The following CUTC variants were observed in gnomAD, a reference collection of about 807,000 sequenced individuals.
CUTC encodes the protein cutC copper transporter.
CUTC carries 27 observed loss-of-function variants against 36.2 expected under a neutral mutation model. That is an observed-to-expected ratio of 0.75 (90% confidence interval 0.55 to 1.03). The LOEUF (loss-of-function observed/expected upper bound fraction) is 1.03, where lower values mean the gene tolerates loss of function less well. Among genes scored for constraint, CUTC ranks in the 50% least tolerant of loss-of-function variants. The pLI, the probability that CUTC is intolerant of heterozygous loss-of-function variation, is 0.00. For missense variants in CUTC, 315 were observed against 343.5 expected (o/e 0.92, Z 0.66); for synonymous variants, 114 against 118.3 (o/e 0.96, Z 0.24).
intron 1 of CUTC, among the ~76,000 whole-genome samples, 200 bp from the exon 2 acceptor site, chr10:99,736,042 ATCTG>A (rs761230399): frequency 3.3e-5 from 5 of 152,358 alleles, no homozygotes; most frequent in Admixed American, 6.5e-5. Flanking sequence ...TTTTTTATAC[ATCTG>A]TCTGTGTACC....
At chr10:99,735,330 A>C (rs1357086816) in intron 1 of CUTC, among the ~76,000 whole-genome samples, 1 of 152,162 alleles carries the variant, frequency 6.6e-6, no homozygotes, top group African/African-American at 2.4e-5. Context: ...GAAAAATTTT[A>C]TTCAGAGATG....
chr10:99,747,486 C>G lies in CUTC; in HGVS notation c.573+96C>G, dbSNP rs1044300113. The G allele has an allele frequency of 4.3e-6, 6 of 1,395,222 alleles. No homozygotes were observed. In the Admixed American group the frequency reaches 1.3e-4, roughly 29 times the overall value. The allele number at this position is 1,395,222 out of a possible 1,614,324, so 86.4% of individuals were successfully genotyped here. A position where few individuals can be genotyped will look rare whatever the true frequency, so the allele number is the denominator to read the frequency against. The stretch of plus-strand genomic sequence containing the variant: ...AGTTTGTGAGACTATATATTACTGA[C>G]TTTGTGGTTACTCTGTAGGAAAAGC... On this transcript the variant is annotated intron_variant, in intron 6 of 8. Coordinates refer to ENST00000370476, the MANE Select transcript of CUTC (RefSeq NM_015960.3).
chr10:99,749,384 T>G lies in CUTC; in HGVS notation c.574-985T>G, dbSNP rs946741807. ...ATAGTTGTGAGGGATTTCTTCAGGTTATAGCACTTAGTAATTGTTCTATAT... is the reference window on the plus strand; with the variant it reads ...ATAGTTGTGAGGGATTTCTTCAGGTGATAGCACTTAGTAATTGTTCTATAT... On this transcript the variant is annotated intron_variant, in intron 6 of 8. Coordinates refer to ENST00000370476, the MANE Select transcript of CUTC (RefSeq NM_015960.3). Among the ~76,000 whole-genome samples, 5 of 152,220 alleles carry G rather than the reference T, an allele frequency of 3.3e-5. 1 individual carries two copies. The highest frequency in any genetic ancestry group is 3.3e-4 in the Admixed American group (5 of 15,284).
In CUTC at chr10:99,755,957, T is replaced by C. The variant is rs1244070275; in HGVS notation, c.*218T>C. ...TTAGTCTTACCAGTGATTGTCATCA[T>C]GGTTAAAGCTGGTCTGTGCTTCTTC... On this transcript the variant is annotated 3_prime_UTR_variant, in exon 9 of 9. Transcript: ENST00000370476. 6 of 473,014 alleles carry C rather than the reference T, an allele frequency of 1.3e-5. No homozygotes were observed. The highest frequency in any genetic ancestry group is 1.2e-4 in the African/African-American group (6 of 50,630). 29.3% of individuals were successfully genotyped at this position (473,014 alleles called of 1,614,324 possible).
chr10:99,732,334 A>C lies in CUTC; in HGVS notation c.-15A>C. 1.9e-6 allele frequency: 3 copies of C among 1,551,836 alleles called. No homozygotes were observed. The highest frequency in any genetic ancestry group is 2.6e-6 in the Non-Finnish European group (3 of 1,147,364). On this transcript the variant is annotated 5_prime_UTR_variant, in exon 1 of 9. Coordinates refer to ENST00000370476, the MANE Select transcript of CUTC (RefSeq NM_015960.3). ...AGTGGAAACTGCAGGCGCACGAGGG[A>C]GGAACGCGTGGAGCATGAAAAGGCA...
At position 99,732,250 on chromosome 10, in the gene CUTC, C is replaced by T. The variant is rs1458312664; in HGVS notation, c.-99C>T. The T allele has an allele frequency of 3.3e-6, 5 of 1,524,500 alleles. No individual in the cohort carries two copies. Among genetic ancestry groups the T allele is most frequent in the Middle Eastern group, 2.0e-4 (1 of 5,020 alleles). The allele number at this position is 1,524,500 out of a possible 1,614,324, so 94.4% of individuals were successfully genotyped here. A position where few individuals can be genotyped will look rare whatever the true frequency, so the allele number is the denominator to read the frequency against. Reference sequence around the variant, plus strand: ...GGCGTAGGTGTCGGGGACGCGCGCACGGGCGCGCGCAGCTGTTGACGCGCT... The same window carrying T: ...GGCGTAGGTGTCGGGGACGCGCGCATGGGCGCGCGCAGCTGTTGACGCGCT... On this transcript the variant is annotated 5_prime_UTR_variant, in exon 1 of 9. The change creates a new upstream start codon in the 5' untranslated region. Coordinates refer to ENST00000370476, the MANE Select transcript of CUTC (RefSeq NM_015960.3).
chr10:99,732,588 G>C, intron 1 of CUTC, 179 bp downstream of exon 1: 1 of 1,436,704 alleles, frequency 7.0e-7, no homozygotes, highest in Non-Finnish European at 9.1e-7. Flanking sequence ...GTGACGAGGG[G>C]CAGGTAGCGA....
intron 7 of CUTC, 97 bp from the exon 8 acceptor site, chr10:99,754,432 G>A (rs2037440282): frequency 3.8e-6 from 3 of 792,334 alleles, no homozygotes; most frequent in Non-Finnish European, 6.4e-6. Context: ...GAGAAATTCA[G>A]TTTGGGGATT....
chr10:99,747,567 C>T, intron 6 of CUTC, 177 bp downstream of exon 6: 1 of 665,540 alleles, frequency 1.5e-6, no homozygotes, highest in Non-Finnish European at 2.4e-6. Flanking sequence ...TTTTTAATAA[C>T]CAAGGCTTTC....
intron 6 of CUTC, 59 bp from the exon 7 acceptor site, chr10:99,750,310 A>T: frequency 7.6e-7 from 1 of 1,315,352 alleles, no homozygotes; most frequent in South Asian, 1.3e-5. Context: ...TCACTGCCTT[A>T]TTATCCCATT....
In CUTC at chr10:99,735,101, C is replaced by CA. The variant is rs56971127; in HGVS notation, c.62-1120dup. Reference sequence around the variant, plus strand: ...TGGGCGACAGAGCAAGACTCTGTATCAAAAAAAAAAAAAAAAAAAAAAAAA... The same window carrying CA: ...TGGGCGACAGAGCAAGACTCTGTATCAAAAAAAAAAAAAAAAAAAAAAAAAA... On this transcript the variant is annotated intron_variant, in intron 1 of 8. Coordinates refer to ENST00000370476, the MANE Select transcript of CUTC (RefSeq NM_015960.3). Among the ~76,000 whole-genome samples, 60 of 68,778 alleles carry CA rather than the reference C, an allele frequency of 8.7e-4. 1 individual carries two copies. The highest frequency in any genetic ancestry group is 2.5e-3 in the African/African-American group (42 of 16,824). 45.1% of individuals were successfully genotyped at this position (68,778 alleles called of 152,430 possible).
chr10:99,736,971 T>A lies in CUTC; in HGVS notation c.133+654T>A, dbSNP rs2037302246. Among the ~76,000 whole-genome samples, 6 of 152,242 alleles carry A rather than the reference T, an allele frequency of 3.9e-5. 1 individual carries two copies. The South Asian group carries it at 1.2e-3, about 32-fold the overall frequency. ...ATCACTTATTTTATTTTTAAATCTT[T>A]TGAAAATGTAAACATCAGCCGGGTG... On this transcript the variant is annotated intron_variant, in intron 2 of 8. Transcript: ENST00000370476.
intron 1 of CUTC, among the ~76,000 whole-genome samples, chr10:99,735,227 G>A (rs1252793885): frequency 6.6e-6 from 1 of 151,846 alleles, no homozygotes; most frequent in East Asian, 1.9e-4. Flanking sequence ...GAACAATTGG[G>A]GTTTCATAAC....
Position 99,755,875 on chromosome 10 carries a change from G to C in CUTC, c.*136G>C. The C allele has an allele frequency of 3.4e-6, 2 of 586,690 alleles. No homozygotes were observed. The highest frequency in any genetic ancestry group is 3.2e-5 in the Admixed American group (1 of 31,356). 36.3% of individuals were successfully genotyped at this position (586,690 alleles called of 1,614,324 possible). On this transcript the variant is annotated 3_prime_UTR_variant, in exon 9 of 9. Transcript: ENST00000370476. Reference sequence around the variant, plus strand: ...TTGTTTTAAGTTTCACATGGCCATGGAGAATGTGCCCAAGAAGAAAAAGAA... The same window carrying C: ...TTGTTTTAAGTTTCACATGGCCATGCAGAATGTGCCCAAGAAGAAAAAGAA...
Position 99,732,254 on chromosome 10 carries a change from C to G in CUTC, c.-95C>G, listed in dbSNP as rs2037196512. On this transcript the variant is annotated 5_prime_UTR_variant, in exon 1 of 9. Coordinates refer to ENST00000370476, the MANE Select transcript of CUTC (RefSeq NM_015960.3). The stretch of plus-strand genomic sequence containing the variant: ...TAGGTGTCGGGGACGCGCGCACGGG[C>G]GCGCGCAGCTGTTGACGCGCTTCTT... The G allele has an allele frequency of 1.2e-5, 19 of 1,529,056 alleles. No individual in the cohort carries two copies. The highest frequency in any genetic ancestry group is 2.1e-5 in the Admixed American group (1 of 46,562). 94.7% of individuals were successfully genotyped at this position (1,529,056 alleles called of 1,614,324 possible).
At chr10:99,750,124 A>G (rs1418009357) in intron 6 of CUTC, among the ~76,000 whole-genome samples, 1 of 152,092 alleles carries the variant, frequency 6.6e-6, no homozygotes. Context: ...GAAGGAGAAA[A>G]TGGCACTTAT....
At chr10:99,734,616 G>C (rs576722837) in intron 1 of CUTC, among the ~76,000 whole-genome samples, 1 of 152,138 alleles carries the variant, frequency 6.6e-6, no homozygotes, top group South Asian at 2.1e-4. Flanking sequence ...CATGAAGTGT[G>C]CATTGTTTCG....
At chr10:99,736,386 C>CT in intron 2 of CUTC, 69 bp downstream of exon 2, 1 of 1,183,382 alleles carries the variant, frequency 8.5e-7, no homozygotes, top group South Asian at 1.2e-5. Context: ...ATCCTGTGTG[C>CT]TTATCTCAGA....
chr10:99,752,872 A>G (rs975488692), intron 7 of CUTC, among the ~76,000 whole-genome samples: 1 of 152,234 alleles, frequency 6.6e-6, no homozygotes, highest in Middle Eastern at 3.2e-3. Context: ...AGCTCACAGA[A>G]TAGACTTATA....
Sources: gnomAD v4.1 joint callset for allele counts (sites outside exome capture counted in the v4.1 genomes callset) on GRCh38, gnomAD v4.1.1 for gene constraint, MANE v1.5 for transcripts, NCBI Gene and HGNC (gene_info 2026-07-23, HGNC 2026-07-21) for gene names.